ADCY5: variants seen among roughly 807,000 people sequenced by gnomAD.
The protein encoded by ADCY5 is adenylate cyclase 5, also known as adenylate cyclase type 5.
ADCY5 carries 30 observed loss-of-function variants against 119.7 expected under a neutral mutation model. That is an observed-to-expected ratio of 0.25 (90% CI 0.19 to 0.34). The LOEUF is 0.34. ADCY5 is among the 10% of genes least tolerant of loss of function. The probability of loss-of-function intolerance (pLI) is 1.00; values close to 1 mark genes in which losing one functional copy is unlikely to be tolerated. For synonymous variants in ADCY5, 753 were observed against 762.2 expected (o/e 0.99, Z 0.20); for missense variants, 1,324 against 1,775.2 (o/e 0.75, Z 4.57).
intron 1 of ADCY5, among the ~76,000 whole-genome samples, chr3:123,410,682 C>T (rs996156701): frequency 6.6e-6 from 1 of 152,148 alleles, no homozygotes; most frequent in African/African-American, 2.4e-5. Flanking sequence ...CTCACTAGCT[C>T]TGTCGCCCAG....
At chr3:123,298,829 A>ATTTTTTT (rs1939668224) in intron 15 of ADCY5, among the ~76,000 whole-genome samples, 1 of 5,810 alleles carries the variant, frequency 1.7e-4, no homozygotes, top group African/African-American at 5.9e-4. Flanking sequence ...CAAAACTGTC[A>ATTTTTTT]CTTTTTTTTT....
chr3:123,302,399 T>A (rs1447358642), intron 14 of ADCY5, among the ~76,000 whole-genome samples: 1 of 152,254 alleles, frequency 6.6e-6, no homozygotes, highest in East Asian at 1.9e-4. Context: ...TAGATGATGA[T>A]GATGGCTGTA....
rs140666356 is a variant in ADCY5, at chr3:123,447,615, C to A, written c.931G>T (p.Ala311Ser). The A allele has an allele frequency of 2.5e-6, 4 of 1,607,480 alleles. No homozygotes were observed. The African/African-American group carries it at 5.3e-5, about 21-fold the overall frequency. ...AGCAGCAGGCCCACCACCTGGACGG[C>A]CAGCACCACGGCGATGAGCGCATAG... ...ACYALIAVVLAVQVVGLLLPQ... is the reference protein window; with the variant it reads ...ACYALIAVVLSVQVVGLLLPQ... Residue 311 changes from alanine (A) to serine (S), a missense_variant, in exon 1 of 21, where the codon GCC becomes TCC. Ala to Ser is a moderately conservative substitution (Grantham distance 99, BLOSUM62 1). This residue lies in a region of ADCY5 where 585 missense variants were observed against 569.9 expected (regional missense o/e 1.03). Transcript: ENST00000462833.
intron 4 of ADCY5, 85 bp downstream of exon 4, chr3:123,332,479 T>C: frequency 9.9e-7 from 1 of 1,007,536 alleles, no homozygotes; most frequent in Non-Finnish European, 1.5e-6. Context: ...TGCCCATCCC[T>C]GGGGTTCAGC....
chr3:123,437,392 G>T (rs1945637437), intron 1 of ADCY5, among the ~76,000 whole-genome samples: 1 of 152,160 alleles, frequency 6.6e-6, no homozygotes, highest in South Asian at 2.1e-4. Flanking sequence ...GGTTCAGCTG[G>T]AAGTCTGGCT....
chr3:123,315,203 G>C (rs1263855495), intron 11 of ADCY5, among the ~76,000 whole-genome samples: 1 of 152,248 alleles, frequency 6.6e-6, no homozygotes, highest in Non-Finnish European at 1.5e-5. Flanking sequence ...AAGCCCGTGG[G>C]GGGCGTGAGA....
intron 2 of ADCY5, among the ~76,000 whole-genome samples, chr3:123,351,224 C>G (rs1442035316): frequency 6.6e-6 from 1 of 152,056 alleles, no homozygotes; most frequent in South Asian, 2.1e-4. Context: ...AGCTTTGCCC[C>G]CTCGTTTGGC....
chr3:123,394,734 T>C (rs1944495877), intron 1 of ADCY5, among the ~76,000 whole-genome samples: 2 of 152,254 alleles, frequency 1.3e-5, no homozygotes, highest in African/African-American at 4.8e-5. Context: ...CAGTTGGACC[T>C]CTCTAGGGTA....
chr3:123,417,248 T>C (rs1226198531), intron 1 of ADCY5, among the ~76,000 whole-genome samples: 1 of 152,120 alleles, frequency 6.6e-6, no homozygotes, highest in African/African-American at 2.4e-5. Context: ...ACCACCACCA[T>C]GTGATCCAGG....
At position 123,347,071 on chromosome 3, in the gene ADCY5, G is replaced by A. The variant is rs143306004; in HGVS notation, c.1406+711C>T. On this transcript the variant is annotated intron_variant, in intron 3 of 20. Transcript: ENST00000462833. ...CTGGCTGTACCACTGCTGGCTCGGG[G>A]ACCTTGAGCCCTTGAGTCTTTTAAT... 7.9e-3 allele frequency among the ~76,000 whole-genome samples: 1,202 copies of A among 152,226 alleles called. 22 individuals are homozygous for A. Among genetic ancestry groups the A allele is most frequent in the African/African-American group, 0.027 (1,121 of 41,540 alleles).
intron 1 of ADCY5, among the ~76,000 whole-genome samples, chr3:123,403,351 A>G (rs1452165641): frequency 6.7e-6 from 1 of 148,990 alleles, no homozygotes; most frequent in Non-Finnish European, 1.5e-5. Context: ...ACTACATGCC[A>G]GCCTAGGCAA....
intron 1 of ADCY5, among the ~76,000 whole-genome samples, chr3:123,429,451 G>A (rs1267587206): frequency 1.3e-5 from 2 of 152,020 alleles, no homozygotes; most frequent in Non-Finnish European, 2.9e-5. Flanking sequence ...CCTCATCTGA[G>A]ACCACAAAGT....
intron 1 of ADCY5, chr3:123,419,150 G>T: frequency 1.0e-6 from 1 of 985,342 alleles, no homozygotes; most frequent in Admixed American, 6.1e-5. Context: ...AGTGCAGCCG[G>T]TGCCCGAGAG....
intron 15 of ADCY5, among the ~76,000 whole-genome samples, chr3:123,298,829 A>ATTTTT (rs1939668224): frequency 1.7e-4 from 1 of 5,816 alleles, no homozygotes; most frequent in Non-Finnish European, 3.7e-4. Context: ...CAAAACTGTC[A>ATTTTT]CTTTTTTTTT....
At chr3:123,364,419 G>A in intron 1 of ADCY5, among the ~76,000 whole-genome samples, 1 of 152,180 alleles carries the variant, frequency 6.6e-6, no homozygotes, top group East Asian at 1.9e-4. Context: ...ACCCTTCCTG[G>A]AGAAGTGTCT....
chr3:123,399,872 A>T (rs1443112392), intron 1 of ADCY5, among the ~76,000 whole-genome samples: 6 of 152,202 alleles, frequency 3.9e-5, no homozygotes. Flanking sequence ...CCTGTGGAAC[A>T]TGCAAGTCGG....
chr3:123,428,568 C>T (rs750401448), intron 1 of ADCY5, among the ~76,000 whole-genome samples: 1 of 152,208 alleles, frequency 6.6e-6, no homozygotes, highest in Non-Finnish European at 1.5e-5. Flanking sequence ...ATCTAACCAT[C>T]ATATTGTGCC....
intron 5 of ADCY5, among the ~76,000 whole-genome samples, chr3:123,330,404 AG>A (rs1313075972): frequency 6.6e-6 from 1 of 152,248 alleles, no homozygotes; most frequent in Non-Finnish European, 1.5e-5. Context: ...GCTCACAGGC[AG>A]GGTGATTCTC....
At chr3:123,427,976 G>C (rs773736753) in intron 1 of ADCY5, among the ~76,000 whole-genome samples, 3 of 152,220 alleles carry the variant, frequency 2.0e-5, no homozygotes, top group Non-Finnish European at 4.4e-5. Context: ...AGTCAAGTTA[G>C]GGATGATGAG....
Sources: gnomAD v4.1 joint callset for allele counts (sites outside exome capture counted in the v4.1 genomes callset) on GRCh38, gnomAD v4.1.1 for gene constraint, gnomAD v4.1.1 regional missense constraint, MANE v1.5 for transcripts, NCBI Gene and HGNC (gene_info 2026-07-23, HGNC 2026-07-21) for gene names.